MAGI1: variants seen among roughly 807,000 people sequenced by gnomAD.
The protein encoded by MAGI1 is membrane associated guanylate kinase, WW and PDZ domain containing 1.
MAGI1 carries 58 observed loss-of-function variants against 139.9 expected under a neutral mutation model. The observed-to-expected ratio is 0.41, with a 90% CI of 0.34 to 0.52. The LOEUF (loss-of-function observed/expected upper bound fraction) is 0.52, where lower values mean the gene tolerates loss of function less well. Ranked by LOEUF, MAGI1 falls within the 20% of genes least tolerant of loss-of-function variation. The pLI, the probability that MAGI1 is intolerant of heterozygous loss-of-function variation, is 0.12. For synonymous variants in MAGI1, 812 were observed against 737.9 expected (o/e 1.10, Z -1.63); for missense variants, 1,874 against 1,901.6 (o/e 0.99, Z 0.27).
chr3:65,802,232 T>C (rs1296717454), intron 1 of MAGI1, among the ~76,000 whole-genome samples: 1 of 152,190 alleles, frequency 6.6e-6, no homozygotes, highest in Non-Finnish European at 1.5e-5. Context: ...TGAGGTACAA[T>C]TCTGCCCTTA....
rs564228894 is a variant in MAGI1, at chr3:65,790,155, G to A, written c.314-168067C>T. On this transcript the variant is annotated intron_variant, in intron 1 of 22. Coordinates refer to ENST00000402939, the MANE Select transcript of MAGI1 (RefSeq NM_001033057.2). ...TGCTTAACAGGCTAGGCAAGTTTACGCTTACCCCGATTTCACGAAATAAAC... is the reference window on the plus strand; with the variant it reads ...TGCTTAACAGGCTAGGCAAGTTTACACTTACCCCGATTTCACGAAATAAAC... Among the ~76,000 whole-genome samples, 4 of 152,282 alleles carry A rather than the reference G, an allele frequency of 2.6e-5. No individual in the cohort carries two copies. The East Asian group carries it at 7.7e-4, about 29-fold the overall frequency.
At chr3:65,625,709 A>G (rs13084817) in intron 1 of MAGI1, among the ~76,000 whole-genome samples, 42,102 of 152,094 alleles carry the variant, frequency 0.28, 6,323 homozygotes, top group Middle Eastern at 0.35. Flanking sequence ...CAGTTCAAAC[A>G]TGAACTCTTA....
chr3:65,419,233 C>CACATACACACACACACACACACACACAT (rs1553641830), intron 12 of MAGI1, among the ~76,000 whole-genome samples: 2 of 151,618 alleles, frequency 1.3e-5, no homozygotes, highest in African/African-American at 4.9e-5. Context: ...CACACACACA[C>CACATACACACACACACACACACACACAT]ACACACACAC....
At chr3:65,877,274 T>C (rs1016633093) in intron 1 of MAGI1, among the ~76,000 whole-genome samples, 3 of 152,078 alleles carry the variant, frequency 2.0e-5, no homozygotes, top group African/African-American at 7.2e-5. Flanking sequence ...AGTCAATGTA[T>C]GGGAGAGAAG....
At chr3:65,367,899 A>C (rs1941590407) in intron 18 of MAGI1, among the ~76,000 whole-genome samples, 2 of 152,196 alleles carry the variant, frequency 1.3e-5, no homozygotes, top group African/African-American at 2.4e-5. Flanking sequence ...GATGAATTAA[A>C]ATATGAAACA....
At chr3:65,611,778 A>C (rs2083139227) in intron 2 of MAGI1, among the ~76,000 whole-genome samples, 1 of 151,178 alleles carries the variant, frequency 6.6e-6, no homozygotes, top group Admixed American at 6.6e-5. Flanking sequence ...CGGAGGAAAG[A>C]AACAGTGGTG....
chr3:65,842,201 G>A (rs1242133797), intron 1 of MAGI1, among the ~76,000 whole-genome samples: 2 of 152,096 alleles, frequency 1.3e-5, no homozygotes, highest in Non-Finnish European at 2.9e-5. Flanking sequence ...TCTCCTGGGT[G>A]TCTAAGAGAT....
rs1194532274 is a variant in MAGI1, at chr3:65,619,752, A to C, written c.430+2220T>G. On this transcript the variant is annotated intron_variant, in intron 2 of 22. Coordinates refer to ENST00000402939, the MANE Select transcript of MAGI1 (RefSeq NM_001033057.2). ...AAGAATCCCAAGTAAGCCCCAGTCT[A>C]CTCATGTTCAAAGGCACACACGCTC... is the stretch of plus-strand genomic sequence containing the variant. 8 of 538,120 alleles carry C rather than the reference A, an allele frequency of 1.5e-5. No homozygotes were observed. In the Admixed American group the frequency reaches 5.1e-4, roughly 34 times the overall value. 33.3% of individuals were successfully genotyped at this position (538,120 alleles called of 1,614,324 possible).
At chr3:65,926,820 C>A (rs997699314) in intron 1 of MAGI1, among the ~76,000 whole-genome samples, 1 of 152,082 alleles carries the variant, frequency 6.6e-6, no homozygotes, top group African/African-American at 2.4e-5. Context: ...CATGGTGTAA[C>A]CCCCATCTCT....
Position 65,957,482 on chromosome 3 carries a change from A to G in MAGI1, c.313+80514T>C, listed in dbSNP as rs972643432. 7.5e-4 allele frequency among the ~76,000 whole-genome samples: 111 copies of G among 148,564 alleles called. 1 individual carries two copies. Among genetic ancestry groups the G allele is most frequent in the African/African-American group, 2.6e-3 (105 of 40,454 alleles). On this transcript the variant is annotated intron_variant, in intron 1 of 22. Coordinates refer to ENST00000402939, the MANE Select transcript of MAGI1 (RefSeq NM_001033057.2). ...GCTGCAATAAGCCATGATTGCACCA[A>G]TGCACTCTAGCCTTGGCCACAGAGC...
At chr3:65,722,835 A>AC (rs2033189622) in intron 1 of MAGI1, among the ~76,000 whole-genome samples, 1 of 152,108 alleles carries the variant, frequency 6.6e-6, no homozygotes, top group African/African-American at 2.4e-5. Flanking sequence ...AACAAAAGAA[A>AC]CACCATGTGA....
chr3:65,809,349 AAAG>A (rs1483796754), intron 1 of MAGI1, among the ~76,000 whole-genome samples: 49 of 152,292 alleles, frequency 3.2e-4, no homozygotes, highest in African/African-American at 1.1e-3. Flanking sequence ...GGAAGCTGAA[AAAG>A]AAGGTGAGAA....
chr3:65,798,663 A>G (rs1481951437), intron 1 of MAGI1, among the ~76,000 whole-genome samples: 2 of 151,838 alleles, frequency 1.3e-5, no homozygotes, highest in Non-Finnish European at 2.9e-5. Context: ...TTTCATGAAA[A>G]GAATTTCTAG....
intron 8 of MAGI1, among the ~76,000 whole-genome samples, chr3:65,441,481 C>G (rs978401631): frequency 1.2e-4 from 18 of 152,146 alleles, no homozygotes; most frequent in African/African-American, 4.1e-4. Context: ...CTACCATTAA[C>G]AGGCACATGA....
At chr3:65,469,957 A>G (rs1950454511) in intron 5 of MAGI1, 3 of 147,838 alleles carry the variant, frequency 2.0e-5, no homozygotes, top group Admixed American at 2.0e-4. Flanking sequence ...AATATTTATT[A>G]AAATATTTAA....
rs755857207 is a variant in MAGI1 at position 65,357,057 on chromosome 3, C to G, written c.3710G>C (p.Arg1237Pro). The G allele has an allele frequency of 2.5e-6, 4 of 1,614,144 alleles. No individual in the cohort carries two copies. In the South Asian group the frequency reaches 3.3e-5, roughly 13 times the overall value. The stretch of plus-strand genomic sequence containing the variant: ...ACTGGACTCCAATGACGGATGCTGC[C>G]GGCGGTCGGGCCCGGCCCTCACTTC... ...VPEVRAGPDR[R>P]QHPSLESSYP... Residue 1237 changes from arginine (R) to proline (P), a missense_variant, in exon 23 of 23, where the codon CGG becomes CCG. Around this residue, in one of 5 missense-constraint regions of MAGI1, gnomAD observed 653 missense variants for 644.5 expected, o/e 1.01. Transcript: ENST00000402939.
At chr3:65,422,775 C>T (rs903023604) in intron 12 of MAGI1, among the ~76,000 whole-genome samples, 4 of 152,020 alleles carry the variant, frequency 2.6e-5, no homozygotes, top group African/African-American at 9.7e-5. Context: ...GATGAAATAA[C>T]CTCCGAGCCG....
At chr3:65,790,995 A>C (rs780825327) in intron 1 of MAGI1, among the ~76,000 whole-genome samples, 1 of 152,172 alleles carries the variant, frequency 6.6e-6, no homozygotes, top group African/African-American at 2.4e-5. Flanking sequence ...GAATCACTTG[A>C]GCCCAGGAAG....
chr3:65,719,351 G>T (rs1262897392), intron 1 of MAGI1, among the ~76,000 whole-genome samples: 1 of 151,178 alleles, frequency 6.6e-6, no homozygotes, highest in East Asian at 1.9e-4. Flanking sequence ...CATTTTTGTA[G>T]AATGTGGATA....
Sources: gnomAD v4.1 joint callset for allele counts (sites outside exome capture counted in the v4.1 genomes callset) on GRCh38, gnomAD v4.1.1 for gene constraint, gnomAD v4.1.1 regional missense constraint, MANE v1.5 for transcripts, NCBI Gene and HGNC (gene_info 2026-07-23, HGNC 2026-07-21) for gene names.